Variants in CADM2 observed in about 807,000 individuals in gnomAD.
The protein encoded by CADM2 is cell adhesion molecule 2.
In CADM2, 12 loss-of-function variants were observed where a neutral mutation model predicts 49.8. The observed-to-expected ratio is 0.24, with a 90% CI of 0.15 to 0.39. The LOEUF (loss-of-function observed/expected upper bound fraction) is 0.39, where lower values mean the gene tolerates loss of function less well. Among genes scored for constraint, CADM2 ranks in the 10% least tolerant of loss-of-function variants. The pLI, the probability that CADM2 is intolerant of heterozygous loss-of-function variation, is 1.00. For synonymous variants in CADM2, 214 were observed against 175.4 expected, an observed-to-expected ratio of 1.22 and a Z score of -1.74; for missense variants, 378 against 492.3, an observed-to-expected ratio of 0.77 and a Z score of 2.20.
At chr3:85,451,997 G>A (rs964731906) in intron 1 of CADM2, among the ~76,000 whole-genome samples, 3 of 152,036 alleles carry the variant, frequency 2.0e-5, no homozygotes, top group Non-Finnish European at 4.4e-5. Flanking sequence ...TATGACTTTG[G>A]CTTTAAATTA....
At chr3:85,632,873 C>A (rs897004538) in intron 1 of CADM2, among the ~76,000 whole-genome samples, 2 of 151,470 alleles carry the variant, frequency 1.3e-5, no homozygotes, top group Non-Finnish European at 2.9e-5. Context: ...ATACCATTTT[C>A]AATAAAATCT....
chr3:85,056,244 A>G (rs1178931938), intron 1 of CADM2, among the ~76,000 whole-genome samples: 1 of 152,086 alleles, frequency 6.6e-6, no homozygotes, highest in East Asian at 1.9e-4. Flanking sequence ...CTAATTCATC[A>G]CAAATGAGAG....
intron 1 of CADM2, among the ~76,000 whole-genome samples, chr3:85,228,623 G>A (rs1447179808): frequency 2.0e-5 from 3 of 151,900 alleles, no homozygotes; most frequent in African/African-American, 7.3e-5. Flanking sequence ...TCCACACTGT[G>A]TTTGCCTGGG....
At chr3:85,969,914 T>TACATATATAC (rs1725904594) in intron 8 of CADM2, among the ~76,000 whole-genome samples, 1 of 150,584 alleles carries the variant, frequency 6.6e-6, no homozygotes, top group African/African-American at 2.4e-5. Context: ...TACCCATATC[T>TACATATATAC]ACATATATAC....
chr3:85,472,006 G>A (rs1320692248), intron 1 of CADM2, among the ~76,000 whole-genome samples: 1 of 151,858 alleles, frequency 6.6e-6, no homozygotes, highest in African/African-American at 2.4e-5. Flanking sequence ...GACTCTTAGT[G>A]TAGTAAAAGT....
At chr3:85,175,352 C>A (rs545585687) in intron 1 of CADM2, among the ~76,000 whole-genome samples, 4 of 152,096 alleles carry the variant, frequency 2.6e-5, no homozygotes, top group African/African-American at 9.7e-5. Context: ...AAGGTGGAAG[C>A]AACCTAAGTG....
At chr3:85,588,600 T>C (rs1459378177) in intron 1 of CADM2, among the ~76,000 whole-genome samples, 2 of 152,150 alleles carry the variant, frequency 1.3e-5, no homozygotes, top group Non-Finnish European at 2.9e-5. Context: ...TTGTCTGTTT[T>C]CATCTAAGTA....
intron 1 of CADM2, among the ~76,000 whole-genome samples, chr3:85,059,670 G>A (rs933766212): frequency 1.3e-5 from 2 of 152,124 alleles, no homozygotes; most frequent in East Asian, 1.9e-4. Context: ...TGAGTGAGTC[G>A]CACAAGATCT....
intron 8 of CADM2, among the ~76,000 whole-genome samples, chr3:86,023,276 T>A (rs929883080): frequency 6.6e-6 from 1 of 152,232 alleles, no homozygotes. Flanking sequence ...ACATTACTTA[T>A]CCTCTGGTCA....
At chr3:85,762,893 T>C (rs2069462142) in intron 2 of CADM2, among the ~76,000 whole-genome samples, 1 of 151,756 alleles carries the variant, frequency 6.6e-6, no homozygotes. Flanking sequence ...TTTGGACAAA[T>C]TTAGTTTATT....
chr3:85,911,844 C>T (rs1198992295), intron 5 of CADM2, among the ~76,000 whole-genome samples: 1 of 151,938 alleles, frequency 6.6e-6, no homozygotes, highest in Non-Finnish European at 1.5e-5. Context: ...GCTAGGTAAG[C>T]CTGAGACCAA....
intron 7 of CADM2, among the ~76,000 whole-genome samples, chr3:85,941,248 GA>G (rs1721856901): frequency 6.6e-6 from 1 of 152,018 alleles, no homozygotes; most frequent in Non-Finnish European, 1.5e-5. Context: ...TTCCAACTCA[GA>G]AGTCTTACTT....
At chr3:85,021,926 T>G in intron 1 of CADM2, among the ~76,000 whole-genome samples, 1 of 152,226 alleles carries the variant, frequency 6.6e-6, no homozygotes, top group East Asian at 1.9e-4. Context: ...TGTGTTGTCC[T>G]AACAGAACTA....
At chr3:86,037,117 ACAG>A in intron 8 of CADM2, among the ~76,000 whole-genome samples, 1 of 152,300 alleles carries the variant, frequency 6.6e-6, no homozygotes, top group East Asian at 1.9e-4. Context: ...AGTTGAGTAT[ACAG>A]TTGCTGTCTT....
chr3:85,147,015 G>A (rs984037727), intron 1 of CADM2, among the ~76,000 whole-genome samples: 1 of 152,096 alleles, frequency 6.6e-6, no homozygotes, highest in Non-Finnish European at 1.5e-5. Context: ...GCTCACGCCT[G>A]TAACCCCAGC....
In CADM2 at chr3:85,279,033, CCTT is replaced by C. The variant is rs546459766; in HGVS notation, c.61+319367_61+319369del. Reference sequence around the variant, plus strand: ...TATTAATAAATAATTATAAGACAATCCTTCAATAAAAGAGAGATGCATATACTG... The same window carrying C: ...TATTAATAAATAATTATAAGACAATCCAATAAAAGAGAGATGCATATACTG... On this transcript the variant is annotated intron_variant, in intron 1 of 9. Coordinates refer to ENST00000383699, the MANE Select transcript of CADM2 (RefSeq NM_001167675.2). 2.4e-4 allele frequency among the ~76,000 whole-genome samples: 36 copies of C among 151,336 alleles called. No individual in the cohort carries two copies. In the South Asian group the frequency reaches 7.1e-3, roughly 30 times the overall value.
intron 3 of CADM2, among the ~76,000 whole-genome samples, chr3:85,845,339 G>C (rs2074833756): frequency 6.6e-6 from 1 of 152,076 alleles, no homozygotes; most frequent in African/African-American, 2.4e-5. Flanking sequence ...GATTCAGTCA[G>C]GAGTCAGATG....
Position 85,004,317 on chromosome 3 carries a change from T to C in CADM2, c.61+44649T>C, listed in dbSNP as rs77645772. Among the ~76,000 whole-genome samples, 968 of 152,286 alleles carry C rather than the reference T, an allele frequency of 6.4e-3. 16 individuals carry two copies. The highest frequency in any genetic ancestry group is 0.022 in the African/African-American group (926 of 41,576). ...CATCTGTTCGAGTATTATTTTCCAC[T>C]ATTCTCTTATGGCCACACCTAAGCT... On this transcript the variant is annotated intron_variant, in intron 1 of 9. Transcript: ENST00000383699.
At chr3:85,373,388 T>C (rs1299520633) in intron 1 of CADM2, among the ~76,000 whole-genome samples, 1 of 152,142 alleles carries the variant, frequency 6.6e-6, no homozygotes, top group East Asian at 1.9e-4. Context: ...TGGGTTCCCA[T>C]GGTCTTGGGC....
Sources: gnomAD v4.1 joint callset for allele counts (sites outside exome capture counted in the v4.1 genomes callset) on GRCh38, gnomAD v4.1.1 for gene constraint, MANE v1.5 for transcripts, NCBI Gene and HGNC (gene_info 2026-07-23, HGNC 2026-07-21) for gene names.